NUP155: variants seen among roughly 807,000 people sequenced by gnomAD.
NUP155 encodes the protein nucleoporin 155.
Under a neutral mutation model 180.4 loss-of-function variants are expected in NUP155, and 71 were observed. The ratio of observed to expected loss-of-function variants is 0.39; its 90% CI spans 0.33 to 0.48. NUP155 has a LOEUF of 0.48. Ranked by LOEUF, NUP155 falls within the 20% of genes least tolerant of loss-of-function variation. The pLI is 0.91. For synonymous variants in NUP155, 582 were observed against 559.5 expected, an observed-to-expected ratio of 1.04 and a Z score of -0.57; for missense variants, 1,553 against 1,648.9, an observed-to-expected ratio of 0.94 and a Z score of 1.01.
chr5:37,348,295 C>T (rs750356259), intron 9 of NUP155, among the ~76,000 whole-genome samples: 38 of 151,632 alleles, frequency 2.5e-4, no homozygotes, highest in Non-Finnish European at 5.2e-4. Flanking sequence ...CAGAGTGAGA[C>T]CCTGTCTCAA....
chr5:37,348,535 G>A lies in NUP155; in HGVS notation c.965C>T (p.Ala322Val). The A allele has an allele frequency of 1.2e-6, 2 of 1,611,262 alleles. No homozygotes were observed. The highest frequency in any genetic ancestry group is 2.2e-5 in the East Asian group (1 of 44,838). ...AATGTTACCAGCAGCAGAGACAATG[G>A]CATTCTGTGACACAGAGGCAACTCT... ...MSRVASVSQN[A>V]IVSAAGNIAR... is the part of the protein sequence containing the mutation. The change falls in exon 9 of 35, where the codon GCC (alanine) becomes GTC (valine). Residue 322 changes from alanine to valine, a missense_variant. Transcript: ENST00000231498.
chr5:37,338,663 C>T (rs990713093), intron 11 of NUP155, among the ~76,000 whole-genome samples: 1 of 152,048 alleles, frequency 6.6e-6, no homozygotes, highest in African/African-American at 2.4e-5. Context: ...ACTTGGCCTC[C>T]CAAAGTACTG....
At position 37,312,700 on chromosome 5, in the gene NUP155, G is replaced by A. The variant is rs1425452099; in HGVS notation, c.2436+1498C>T. Among the ~76,000 whole-genome samples the A allele has an allele frequency of 2.6e-5, 4 of 152,246 alleles. No homozygotes were observed. The South Asian group carries it at 6.2e-4, about 24-fold the overall frequency. ...AAAAATTAGCTAGGCGTAGTGGTGC[G>A]TGCCTATAGTACCAGCTACTCGGGA... On this transcript the variant is annotated intron_variant, in intron 22 of 34. Coordinates refer to ENST00000231498, the MANE Select transcript of NUP155 (RefSeq NM_153485.3).
chr5:37,299,519 G>A lies in NUP155; in HGVS notation c.3611C>T (p.Ala1204Val), dbSNP rs145640004. ...TGAATAACCGGCACAATGAATTATT[G>A]CAAGTTTGCACTCTGCAAGTTTAAA... ...DPFKLAECKL[A>V]IIHCAGYSDP... The change falls in exon 31 of 35, where the codon GCA (alanine) becomes GTA (valine). Residue 1204 changes from alanine (A) to valine (V), a missense_variant. Coordinates refer to ENST00000231498, the MANE Select transcript of NUP155 (RefSeq NM_153485.3). The A allele has an allele frequency of 2.5e-6, 4 of 1,613,982 alleles. No homozygotes were observed. The highest frequency in any genetic ancestry group is 3.3e-5 in the Admixed American group (2 of 60,012).
chr5:37,334,203 G>A (rs1463433891), intron 12 of NUP155, among the ~76,000 whole-genome samples: 1 of 151,650 alleles, frequency 6.6e-6, no homozygotes, highest in Non-Finnish European at 1.5e-5. Context: ...CCTGGGTTCA[G>A]TTGATTCTCC....
Position 37,303,427 on chromosome 5 carries a change from T to TA in NUP155, c.3163-14dup. On this transcript the variant is annotated splice_polypyrimidine_tract_variant and intron_variant, in intron 27 of 34. Transcript: ENST00000231498. Reference sequence around the variant, plus strand: ...ATGGAGAAGCAACCTAGAAATTATATAGTTATTCAGAAAAATTTTCTAACC... The same window carrying TA: ...ATGGAGAAGCAACCTAGAAATTATATAAGTTATTCAGAAAAATTTTCTAACC... 1 of 1,612,586 alleles carries TA rather than the reference T, an allele frequency of 6.2e-7. No homozygotes were observed. The highest frequency in any genetic ancestry group is 8.5e-7 in the Non-Finnish European group (1 of 1,178,964).
chr5:37,313,292 G>A (rs757370569), intron 22 of NUP155, among the ~76,000 whole-genome samples: 47 of 152,030 alleles, frequency 3.1e-4, no homozygotes, highest in African/African-American at 8.2e-4. Flanking sequence ...TTAGCTGGGC[G>A]TGGTGGCATG....
At chr5:37,295,843 C>A (rs1400193835) in intron 32 of NUP155, among the ~76,000 whole-genome samples, 1 of 151,168 alleles carries the variant, frequency 6.6e-6, no homozygotes, top group Non-Finnish European at 1.5e-5. Context: ...AGGAGCCCCT[C>A]CGCCCGGCAG....
At chr5:37,303,543 A>C (rs748579227) in intron 27 of NUP155, 129 bp from the exon 28 acceptor site, 6 of 755,818 alleles carry the variant, frequency 7.9e-6, no homozygotes, top group Non-Finnish European at 1.3e-5. Context: ...CAAAATTATA[A>C]TCCAATACTA....
At chr5:37,311,447 A>G (rs1052062133) in intron 22 of NUP155, among the ~76,000 whole-genome samples, 1 of 150,736 alleles carries the variant, frequency 6.6e-6, no homozygotes, top group Admixed American at 6.6e-5. Context: ...TATGAAAAAG[A>G]TAAGTTTCAT....
intron 9 of NUP155, among the ~76,000 whole-genome samples, chr5:37,344,444 T>A (rs217781): frequency 0.53 from 78,353 of 148,814 alleles, 24,040 homozygotes; most frequent in African/African-American, 0.87. Context: ...AAAAAAGATA[T>A]ATTCAGAAAT....
In NUP155 at chr5:37,288,436, AAC is replaced by A. The variant is rs1561758911; in HGVS notation, c.*3462_*3463del. 1 of 143,978 alleles carries A rather than the reference AAC, an allele frequency of 6.9e-6. No homozygotes were observed. Among genetic ancestry groups the A allele is most frequent in the Non-Finnish European group, 1.5e-5 (1 of 67,768 alleles). 8.9% of individuals were successfully genotyped at this position (143,978 alleles called of 1,614,324 possible). A position where few individuals can be genotyped will look rare whatever the true frequency, so the allele number is the denominator to read the frequency against. Reference sequence around the variant, plus strand: ...ACATCAGTCAGTATCTCATAGCATAAACAGTTAGTCAAGATAGCTTTCTCTTT... The same window carrying A: ...ACATCAGTCAGTATCTCATAGCATAAAGTTAGTCAAGATAGCTTTCTCTTT... On this transcript the variant is annotated 3_prime_UTR_variant, in exon 35 of 35. Coordinates refer to ENST00000231498, the MANE Select transcript of NUP155 (RefSeq NM_153485.3).
In NUP155 at chr5:37,370,929, C is replaced by T. The variant is rs1156981172; in HGVS notation, c.49G>A (p.Ala17Thr). Reference protein sequence around the residue: ...GAAMPASTSAAALQEALENAG... With the variant: ...GAAMPASTSATALQEALENAG... ...TTTTCCAGAGCTTCCTGCAGGGCTGCGGCAGATGTAGAGGCCGGCATCGCC... is the reference window on the plus strand; with the variant it reads ...TTTTCCAGAGCTTCCTGCAGGGCTGTGGCAGATGTAGAGGCCGGCATCGCC... The change falls in exon 1 of 35, where the codon GCA becomes ACA. Residue 17 changes from alanine to threonine, a missense_variant. Coordinates refer to ENST00000231498, the MANE Select transcript of NUP155 (RefSeq NM_153485.3). The T allele has an allele frequency of 3.1e-6, 5 of 1,614,180 alleles. No homozygotes were observed. The South Asian group carries it at 5.5e-5, about 18-fold the overall frequency.
At position 37,303,351 on chromosome 5, in the gene NUP155, G is replaced by A. The variant is rs376467373; in HGVS notation, c.3226C>T (p.Arg1076Cys). The change falls in exon 28 of 35, where the codon CGT becomes TGT. Residue 1076 changes from arginine (R) to cysteine (C), a missense_variant. Coordinates refer to ENST00000231498, the MANE Select transcript of NUP155 (RefSeq NM_153485.3). ...RMAKVDQNRV[R>C]YMDLLWRYYE... ...TACCGCCAGAGTAAATCCATATAAC[G>A]AACTCTGTTTTGATCAACTTTGGCC... 19 of 1,613,798 alleles carry A rather than the reference G, an allele frequency of 1.2e-5. No individual in the cohort carries two copies. The highest frequency in any genetic ancestry group is 2.7e-5 in the African/African-American group (2 of 74,894).
chr5:37,365,711 G>GGGAAA (rs1491216296), intron 1 of NUP155, among the ~76,000 whole-genome samples: 1 of 34,004 alleles, frequency 2.9e-5, no homozygotes, highest in Non-Finnish European at 4.7e-5. Context: ...CTGTCTCGGG[G>GGGAAA]AGAAAAAAAA....
intron 32 of NUP155, among the ~76,000 whole-genome samples, chr5:37,297,592 C>A (rs1561765861): frequency 1.3e-5 from 2 of 151,958 alleles, no homozygotes; most frequent in African/African-American, 2.4e-5. Context: ...GTTGCCCAGG[C>A]TGGTCTCGAA....
At chr5:37,366,461 A>C (rs1747589744) in intron 1 of NUP155, among the ~76,000 whole-genome samples, 1 of 152,060 alleles carries the variant, frequency 6.6e-6, no homozygotes, top group Non-Finnish European at 1.5e-5. Context: ...ATTTTTTGAG[A>C]CGGAGTCTCG....
At chr5:37,346,166 T>C (rs996785008) in intron 9 of NUP155, among the ~76,000 whole-genome samples, 1 of 151,938 alleles carries the variant, frequency 6.6e-6, no homozygotes, top group Non-Finnish European at 1.5e-5. Flanking sequence ...TAGTCATAGC[T>C]ACTCAGGAAG....
chr5:37,344,965 T>C (rs1038770112), intron 9 of NUP155, among the ~76,000 whole-genome samples: 1 of 151,756 alleles, frequency 6.6e-6, no homozygotes, highest in Non-Finnish European at 1.5e-5. Flanking sequence ...GACACGTCAT[T>C]TGAGCCCAGG....
Sources: gnomAD v4.1 joint callset for allele counts (sites outside exome capture counted in the v4.1 genomes callset) on GRCh38, gnomAD v4.1.1 for gene constraint, MANE v1.5 for transcripts, NCBI Gene and HGNC (gene_info 2026-07-23, HGNC 2026-07-21) for gene names.